CROCC2: variants seen among roughly 807,000 people sequenced by gnomAD.
The protein encoded by CROCC2 is ciliary rootlet coiled-coil, rootletin family member 2.
Under a neutral mutation model 177.6 loss-of-function variants are expected in CROCC2, and 163 were observed. The ratio of observed to expected loss-of-function variants is 0.92; its 90% CI spans 0.81 to 1.05. The LOEUF is 1.05. Among genes scored for constraint, CROCC2 ranks in the 50% least tolerant of loss-of-function variants. CROCC2 has a pLI of 0.00. For synonymous variants in CROCC2, 904 were observed against 787.3 expected, an observed-to-expected ratio of 1.15 and a Z score of -2.48; for missense variants, 1,929 against 1,797.8, an observed-to-expected ratio of 1.07 and a Z score of -1.32.
At chr2:240,913,519 CTG>C (rs1416460228) in intron 1 of CROCC2, among the ~76,000 whole-genome samples, 2 of 152,224 alleles carry the variant, frequency 1.3e-5, no homozygotes, top group Admixed American at 6.5e-5. Context: ...CCGAGCCTGT[CTG>C]TGTGCCAAGC....
chr2:240,960,228 G>A lies in CROCC2; in HGVS notation c.3087+784G>A, dbSNP rs1474560392. ...AGACAAGCTGGGCTCTGCCCACACA[G>A]CAGGAGGCGCGGACTTCACTGGGCT... On this transcript the variant is annotated intron_variant, in intron 20 of 31. Coordinates refer to ENST00000690015, the MANE Select transcript of CROCC2 (RefSeq NM_001351305.2). The surrounding 1 kb of genome is among the most constrained non-coding windows in gnomAD (Gnocchi z 5.0). Among the ~76,000 whole-genome samples the A allele has an allele frequency of 6.6e-6, 1 of 152,276 alleles. No homozygotes were observed. Among genetic ancestry groups the A allele is most frequent in the Non-Finnish European group, 1.5e-5 (1 of 68,044 alleles).
At chr2:240,988,642 T>G in intron 28 of CROCC2, 97 bp from the exon 29 acceptor site, 1 of 1,217,150 alleles carries the variant, frequency 8.2e-7, no homozygotes. Context: ...GAATTCAGAG[T>G]CCTTCCCAGA....
At chr2:240,967,638 C>T (rs2059692056) in intron 26 of CROCC2, 173 bp downstream of exon 26, 2 of 945,010 alleles carry the variant, frequency 2.1e-6, no homozygotes, top group Non-Finnish European at 2.5e-6. Context: ...CAGCGCTTGG[C>T]ATCGGAGTTC....
At chr2:240,919,176 G>T (rs117814449) in intron 2 of CROCC2, among the ~76,000 whole-genome samples, 1 of 142,914 alleles carries the variant, frequency 7.0e-6, no homozygotes, top group African/African-American at 2.7e-5. Flanking sequence ...CCAAGGTGAC[G>T]GCGTGGGGGA....
Position 240,933,376 on chromosome 2 carries a change from A to G in CROCC2, c.1463+34A>G, listed in dbSNP as rs1340430785. On this transcript the variant is annotated intron_variant, in intron 10 of 31. Transcript: ENST00000690015. ...GTGAAGGGGTTGCACGGCCTTGCACAGGGTGTATGGGATCCTGAGGGCCCA... is the reference window on the plus strand; with the variant it reads ...GTGAAGGGGTTGCACGGCCTTGCACGGGGTGTATGGGATCCTGAGGGCCCA... The G allele has an allele frequency of 2.0e-6, 3 of 1,466,442 alleles. No homozygotes were observed. In the South Asian group the frequency reaches 4.1e-5, roughly 20 times the overall value. The allele number at this position is 1,466,442 out of a possible 1,614,324, so 90.8% of individuals were successfully genotyped here. A position where few individuals can be genotyped will look rare whatever the true frequency, so the allele number is the denominator to read the frequency against.
Position 240,933,713 on chromosome 2 carries a change from A to T in CROCC2, c.1507A>T (p.Lys503Ter). The T allele has an allele frequency of 6.5e-7, 1 of 1,550,358 alleles. No individual in the cohort carries two copies. The highest frequency in any genetic ancestry group is 8.7e-7 in the Non-Finnish European group (1 of 1,146,854). The change falls in exon 11 of 32, where the codon AAG becomes TAG. Residue 503 changes from lysine to a stop codon, truncating the protein, a stop_gained. Coordinates refer to ENST00000690015, the MANE Select transcript of CROCC2 (RefSeq NM_001351305.2). LOFTEE classifies it high-confidence loss of function. The stretch of plus-strand genomic sequence containing the variant: ...GATGGTGGTGGAGGAGCTGAAAGGG[A>T]AGGCAGATGCTGCAGATGCGGAGAA... ...LEMVVEELKG[K>*]ADAADAEKQG...
chr2:240,964,393 C>G, intron 21 of CROCC2, 73 bp from the exon 22 acceptor site: 1 of 1,527,072 alleles, frequency 6.5e-7, no homozygotes, highest in Non-Finnish European at 8.9e-7. Flanking sequence ...CTAGGGGAGG[C>G]AGAGACCTGC....
chr2:240,949,110 C>A lies in CROCC2; in HGVS notation c.2482+13C>A. Reference sequence around the variant, plus strand: ...CAGGCCTTGCAAGGTGCTCCAAGGGCGCTCCCTCAGCTCCTTCCCCGAAAG... The same window carrying A: ...CAGGCCTTGCAAGGTGCTCCAAGGGAGCTCCCTCAGCTCCTTCCCCGAAAG... On this transcript the variant is annotated intron_variant, in intron 16 of 31. Coordinates refer to ENST00000690015, the MANE Select transcript of CROCC2 (RefSeq NM_001351305.2). This position sits in a 1 kb window ranked among gnomAD's most constrained non-coding sequence, Gnocchi z 4.5. 2 of 1,522,932 alleles carry A rather than the reference C, an allele frequency of 1.3e-6. No homozygotes were observed. The highest frequency in any genetic ancestry group is 2.5e-5 in the East Asian group (1 of 40,710). 94.3% of individuals were successfully genotyped at this position (1,522,932 alleles called of 1,614,324 possible).
intron 20 of CROCC2, among the ~76,000 whole-genome samples, chr2:240,961,319 TG>T: frequency 6.6e-6 from 1 of 152,072 alleles, no homozygotes; most frequent in Non-Finnish European, 1.5e-5. Context: ...GCATGCTGAA[TG>T]CAGACACACA....
intron 11 of CROCC2, 22 bp downstream of exon 11, chr2:240,933,874 G>T: frequency 6.5e-7 from 1 of 1,536,752 alleles, no homozygotes; most frequent in Non-Finnish European, 8.8e-7. Flanking sequence ...TGGCTGGGTG[G>T]GCAGGGCCCC....
rs1277603814 is a variant in CROCC2 at position 240,933,234 on chromosome 2, AGGAGCGGGCTCG to A, written c.1361_1372del (p.Arg454_Glu457del). On this transcript the variant is annotated inframe_deletion, in exon 10 of 32. Transcript: ENST00000690015. ...CTGTGGGCCGCACAGAAGCTCCAGC[AGGAGCGGGCTCG>A]GGAGCAGGCACGGGAACGAGAGGCT... The A allele has an allele frequency of 6.5e-7, 1 of 1,549,632 alleles. No individual in the cohort carries two copies. Among genetic ancestry groups the A allele is most frequent in the East Asian group, 2.4e-5 (1 of 40,910 alleles).
At chr2:240,962,683 G>T (rs762781375) in intron 20 of CROCC2, among the ~76,000 whole-genome samples, 1 of 152,188 alleles carries the variant, frequency 6.6e-6, no homozygotes, top group Non-Finnish European at 1.5e-5. Context: ...GGCATGCCCC[G>T]CTGGCTACCT....
intron 5 of CROCC2, among the ~76,000 whole-genome samples, chr2:240,928,404 G>T (rs1225296590): frequency 1.4e-5 from 2 of 143,580 alleles, no homozygotes; most frequent in Non-Finnish European, 3.0e-5. Flanking sequence ...CTCTTGCAGG[G>T]TCATGTGTGC....
In CROCC2 at chr2:240,964,527, G is replaced by A. The variant is rs1236661758; in HGVS notation, c.3367G>A (p.Ala1123Thr). 6 of 1,549,394 alleles carry A rather than the reference G, an allele frequency of 3.9e-6. No homozygotes were observed. The highest frequency in any genetic ancestry group is 1.2e-5 in the South Asian group (1 of 84,000). ...KLLILEEAQA[A>T]LQQEASALRA... ...GCTCATCCTGGAGGAGGCCCAGGCGGCGTTGCAGCAGGAGGCCAGTGCACT... is the reference window on the plus strand; with the variant it reads ...GCTCATCCTGGAGGAGGCCCAGGCGACGTTGCAGCAGGAGGCCAGTGCACT... The change falls in exon 22 of 32, where the codon GCG becomes ACG. Residue 1123 changes from alanine (A) to threonine (T), a missense_variant. Coordinates refer to ENST00000690015, the MANE Select transcript of CROCC2 (RefSeq NM_001351305.2).
At chr2:240,963,895 G>A in intron 21 of CROCC2, 122 bp downstream of exon 21, 1 of 1,072,182 alleles carries the variant, frequency 9.3e-7, no homozygotes, top group East Asian at 2.6e-5. Flanking sequence ...CCCACTGATG[G>A]TGGGGTAGAC....
intron 1 of CROCC2, among the ~76,000 whole-genome samples, chr2:240,914,414 C>G (rs932741439): frequency 6.6e-6 from 1 of 152,260 alleles, no homozygotes; most frequent in Non-Finnish European, 1.5e-5. Flanking sequence ...CGCGCGCCTT[C>G]ACTCTCGTGG....
In CROCC2 at chr2:240,982,910, G is replaced by A; in HGVS notation, c.4432G>A (p.Glu1478Lys). 1.3e-6 allele frequency: 2 copies of A among 1,550,198 alleles called. No individual in the cohort carries two copies. ...EQLETLRQALEESRRHSQGLA... is the reference protein window; with the variant it reads ...EQLETLRQALKESRRHSQGLA... ...ACTGGAAACGCTGCGCCAGGCTCTT[G>A]AAGAGAGCAGGAGGCACAGCCAAGG... Residue 1478 changes from glutamate to lysine, a missense_variant, in exon 28 of 32, where the codon GAA becomes AAA. Transcript: ENST00000690015. The surrounding 1 kb of genome is among the most constrained non-coding windows in gnomAD (Gnocchi z 4.7).
intron 14 of CROCC2, among the ~76,000 whole-genome samples, chr2:240,944,614 G>A (rs940350792): frequency 6.7e-6 from 1 of 150,360 alleles, no homozygotes; most frequent in African/African-American, 2.5e-5. Flanking sequence ...TTTACTTTTG[G>A]TTATTATATT....
chr2:240,918,712 G>A lies in CROCC2; in HGVS notation c.79-14G>A. ...GGGCTGCCATCTCCAGGTATCTCTGGGGGTGTCTTTCAGAGACTGGAGGAC... is the reference window on the plus strand; with the variant it reads ...GGGCTGCCATCTCCAGGTATCTCTGAGGGTGTCTTTCAGAGACTGGAGGAC... On this transcript the variant is annotated splice_polypyrimidine_tract_variant and intron_variant, in intron 1 of 31. Coordinates refer to ENST00000690015, the MANE Select transcript of CROCC2 (RefSeq NM_001351305.2). This position sits in a 1 kb window ranked among gnomAD's most constrained non-coding sequence, Gnocchi z 6.3. The A allele has an allele frequency of 1.8e-6, 1 of 557,222 alleles. No individual in the cohort carries two copies. Among genetic ancestry groups the A allele is most frequent in the Non-Finnish European group, 3.2e-6 (1 of 308,486 alleles). 34.5% of individuals were successfully genotyped at this position (557,222 alleles called of 1,614,324 possible). A position where few individuals can be genotyped will look rare whatever the true frequency, so the allele number is the denominator to read the frequency against.
Sources: gnomAD v4.1 joint callset for allele counts (sites outside exome capture counted in the v4.1 genomes callset) on GRCh38, gnomAD v4.1.1 for gene constraint, Gnocchi (gnomAD v3.1) non-coding constraint, MANE v1.5 for transcripts, NCBI Gene and HGNC (gene_info 2026-07-23, HGNC 2026-07-21) for gene names.